ATRNL1: variants seen among roughly 807,000 people sequenced by gnomAD.
The protein encoded by ATRNL1 is attractin-like protein 1.
Under a neutral mutation model 182.7 loss-of-function variants are expected in ATRNL1, and 95 were observed. The ratio of observed to expected loss-of-function variants is 0.52; its 90% CI spans 0.44 to 0.62. The LOEUF is 0.62. Ranked by LOEUF, ATRNL1 falls within the 20% of genes least tolerant of loss-of-function variation. The probability of loss-of-function intolerance (pLI) is 0.00; values close to 1 mark genes in which losing one functional copy is unlikely to be tolerated. For synonymous variants in ATRNL1, 576 were observed against 568.3 expected, an observed-to-expected ratio of 1.01 and a Z score of -0.19; for missense variants, 1,471 against 1,679.5, an observed-to-expected ratio of 0.88 and a Z score of 2.17.
chr10:115,531,010 C>G (rs554272198), intron 25 of ATRNL1, among the ~76,000 whole-genome samples: 10 of 152,248 alleles, frequency 6.6e-5, no homozygotes, highest in African/African-American at 2.4e-4. Flanking sequence ...GCCACATTTT[C>G]TTAATCCAGT....
intron 25 of ATRNL1, among the ~76,000 whole-genome samples, chr10:115,543,029 G>A (rs781904822): frequency 6.6e-6 from 1 of 152,116 alleles, no homozygotes. Flanking sequence ...CACACTGGGG[G>A]GTTAGGGCTT....
At chr10:115,552,211 A>T (rs1472819716) in intron 26 of ATRNL1, among the ~76,000 whole-genome samples, 6 of 151,356 alleles carry the variant, frequency 4.0e-5, no homozygotes. Flanking sequence ...TAGTTATGTG[A>T]TAATTCCATT....
chr10:115,318,806 G>A (rs538896902), intron 18 of ATRNL1, among the ~76,000 whole-genome samples: 24 of 151,964 alleles, frequency 1.6e-4, no homozygotes, highest in African/African-American at 5.5e-4. Flanking sequence ...AGTCTAGCTA[G>A]CATTCTCTCT....
intron 19 of ATRNL1, among the ~76,000 whole-genome samples, chr10:115,369,613 T>C (rs1277942098): frequency 1.3e-5 from 2 of 152,186 alleles, no homozygotes; most frequent in Admixed American, 6.5e-5. Flanking sequence ...TTGGATCATA[T>C]GAAAGGTCCA....
intron 19 of ATRNL1, among the ~76,000 whole-genome samples, chr10:115,344,506 C>A (rs1855891977): frequency 6.6e-6 from 1 of 152,154 alleles, no homozygotes; most frequent in Non-Finnish European, 1.5e-5. Flanking sequence ...GCTGCCTGGC[C>A]TGGGACTCAC....
Position 115,114,541 on chromosome 10 carries a change from A to G in ATRNL1, c.294-5644A>G, listed in dbSNP as rs77804913. On this transcript the variant is annotated intron_variant, in intron 1 of 28. Transcript: ENST00000355044. ...TAAAATGAACTCAAATCATTCAATA[A>G]CAAGAAAACAAATAACCCCTATTTA... 7.6e-4 allele frequency among the ~76,000 whole-genome samples: 115 copies of G among 152,292 alleles called. 1 individual carries two copies. The East Asian group carries it at 0.022, about 29-fold the overall frequency.
At chr10:115,440,206 G>A (rs1554965456) in intron 21 of ATRNL1, among the ~76,000 whole-genome samples, 7 of 151,628 alleles carry the variant, frequency 4.6e-5, no homozygotes, top group South Asian at 2.1e-4. Flanking sequence ...AAGATATTTC[G>A]GGCTTACCTT....
intron 27 of ATRNL1, among the ~76,000 whole-genome samples, chr10:115,773,072 G>A (rs891160183): frequency 3.3e-5 from 5 of 152,148 alleles, no homozygotes; most frequent in African/African-American, 4.8e-5. Flanking sequence ...AAACTACTAC[G>A]GAAGCAGAAA....
chr10:115,720,660 A>C (rs188581983), intron 26 of ATRNL1, among the ~76,000 whole-genome samples: 2 of 152,330 alleles, frequency 1.3e-5, no homozygotes, highest in African/African-American at 4.8e-5. Flanking sequence ...TTCAGTATAG[A>C]GTATAGGTGG....
rs201075604 is a variant in ATRNL1 at position 115,903,351 on chromosome 10, CT to C, written c.4019-41304del. Among the ~76,000 whole-genome samples the C allele has an allele frequency of 4.5e-3, 684 of 152,276 alleles. 8 individuals carry two copies. Among genetic ancestry groups the C allele is most frequent in the African/African-American group, 0.016 (658 of 41,566 alleles). ...CTGCCCTCCATTTCCCTGGCCTGGACTTTGCTTTAGCTGCTTAAATCAGGCT... is the reference window on the plus strand; with the variant it reads ...CTGCCCTCCATTTCCCTGGCCTGGACTTGCTTTAGCTGCTTAAATCAGGCT... On this transcript the variant is annotated intron_variant, in intron 28 of 28. Coordinates refer to ENST00000355044, the MANE Select transcript of ATRNL1 (RefSeq NM_207303.4).
intron 19 of ATRNL1, among the ~76,000 whole-genome samples, chr10:115,386,739 G>A (rs1858376330): frequency 1.3e-5 from 2 of 150,740 alleles, no homozygotes; most frequent in South Asian, 4.2e-4. Context: ...ATGTATACAT[G>A]TGCCATGCTG....
chr10:115,350,334 C>CAAAAAA (rs1424122017), intron 19 of ATRNL1, among the ~76,000 whole-genome samples: 5,561 of 29,256 alleles, frequency 0.19, 1,243 homozygotes, highest in Middle Eastern at 0.28. Context: ...GACTCTGTCT[C>CAAAAAA]AAAAAAAAAA....
At chr10:115,403,959 G>T (rs538284162) in intron 20 of ATRNL1, among the ~76,000 whole-genome samples, 18 of 152,260 alleles carry the variant, frequency 1.2e-4, no homozygotes, top group African/African-American at 4.3e-4. Flanking sequence ...GCATACATCT[G>T]AAAATATCAG....
At chr10:115,910,450 C>G (rs1435839926) in intron 28 of ATRNL1, among the ~76,000 whole-genome samples, 1 of 152,176 alleles carries the variant, frequency 6.6e-6, no homozygotes, top group Non-Finnish European at 1.5e-5. Context: ...CTCCTGACCA[C>G]TATACATGCT....
At chr10:115,660,636 G>T (rs1860622199) in intron 26 of ATRNL1, among the ~76,000 whole-genome samples, 1 of 152,068 alleles carries the variant, frequency 6.6e-6, no homozygotes, top group Non-Finnish European at 1.5e-5. Flanking sequence ...CTCAGAGAAA[G>T]AAATGAACAG....
intron 26 of ATRNL1, among the ~76,000 whole-genome samples, chr10:115,695,226 T>G (rs1946521814): frequency 6.6e-6 from 1 of 152,142 alleles, no homozygotes; most frequent in African/African-American, 2.4e-5. Context: ...TTTTGGCTAT[T>G]TAGTACAAAT....
Position 115,733,966 on chromosome 10 carries a change from A to G in ATRNL1, c.3903+6611A>G, listed in dbSNP as rs868965967. Among the ~76,000 whole-genome samples the G allele has an allele frequency of 7.9e-5, 12 of 152,230 alleles. 2 individuals carry two copies. In the South Asian group the frequency reaches 2.5e-3, roughly 32 times the overall value. Reference sequence around the variant, plus strand: ...TCATTTTGCATATTTGTATTTTTACAAAATTGAGAGCATATTTTATAGTGA... The same window carrying G: ...TCATTTTGCATATTTGTATTTTTACGAAATTGAGAGCATATTTTATAGTGA... On this transcript the variant is annotated intron_variant, in intron 27 of 28. Coordinates refer to ENST00000355044, the MANE Select transcript of ATRNL1 (RefSeq NM_207303.4).
chr10:115,906,307 G>T (rs1555114525), intron 28 of ATRNL1, among the ~76,000 whole-genome samples: 2 of 152,100 alleles, frequency 1.3e-5, no homozygotes, highest in African/African-American at 4.8e-5. Context: ...TGGCTTTGAG[G>T]GTGAGAATTT....
At chr10:115,195,067 A>G (rs941103969) in intron 8 of ATRNL1, among the ~76,000 whole-genome samples, 6 of 151,966 alleles carry the variant, frequency 3.9e-5, no homozygotes, top group African/African-American at 7.2e-5. Context: ...CTACCTGAAA[A>G]AGTTGTGGTA....
Sources: gnomAD v4.1 joint callset for allele counts (sites outside exome capture counted in the v4.1 genomes callset) on GRCh38, gnomAD v4.1.1 for gene constraint, MANE v1.5 for transcripts, NCBI Gene and HGNC (gene_info 2026-07-23, HGNC 2026-07-21) for gene names.